The following MRPL30 variants were observed in gnomAD, a reference collection of about 807,000 sequenced individuals.
MRPL30 encodes the protein large ribosomal subunit protein uL30m.
Under a neutral mutation model 17.2 loss-of-function variants are expected in MRPL30, and 10 were observed. That is an observed-to-expected ratio of 0.58 (90% confidence interval 0.36 to 0.99). MRPL30 has a LOEUF of 0.99. Among genes scored for constraint, MRPL30 ranks in the 50% least tolerant of loss-of-function variants. The probability of loss-of-function intolerance (pLI) is 0.01; values close to 1 mark genes in which losing one functional copy is unlikely to be tolerated. For missense variants in MRPL30, 170 were observed against 189.8 expected (o/e 0.90, Z 0.61); for synonymous variants, 61 against 62.1 (o/e 0.98, Z 0.08).
Position 99,198,335 on chromosome 2 carries a change from G to A in MRPL30, c.*2630G>A, listed in dbSNP as rs1185254384. Among the ~76,000 whole-genome samples, 3 of 152,150 alleles carry A rather than the reference G, an allele frequency of 2.0e-5. No individual in the cohort carries two copies. Among genetic ancestry groups the A allele is most frequent in the Non-Finnish European group, 4.4e-5 (3 of 68,018 alleles). On this transcript the variant is annotated 3_prime_UTR_variant, in exon 6 of 6. Coordinates refer to ENST00000338148, the MANE Select transcript of MRPL30 (RefSeq NM_145212.4). ...TGCTCATTGTAGCTTTGACAGGGAA[G>A]GGATCTGCTCCCAAGCACTCTCAGG...
At chr2:99,186,574 C>T (rs2093934474) in intron 2 of MRPL30, among the ~76,000 whole-genome samples, 2 of 152,156 alleles carry the variant, frequency 1.3e-5, no homozygotes, top group Non-Finnish European at 2.9e-5. Flanking sequence ...CCTTGTGATC[C>T]ACCTGCCCCG....
chr2:99,186,239 C>G lies in MRPL30; in HGVS notation c.36C>G (p.Pro12=). 3 of 1,614,060 alleles carry G rather than the reference C, an allele frequency of 1.9e-6. No individual in the cohort carries two copies. Among genetic ancestry groups the G allele is most frequent in the Non-Finnish European group, 2.5e-6 (3 of 1,179,938 alleles). ...TTTTGCGCTTAGTAGTTCAATGGCC[C>G]CCAGGCAGACTACAGGTAAGTGTTT... The part of the protein sequence containing the change: ...AGILRLVVQW[P]PGRLQTVTKG... Residue 12 remains proline (P), a synonymous_variant, in exon 2 of 6, where the codon CCC becomes CCG. Coordinates refer to ENST00000338148, the MANE Select transcript of MRPL30 (RefSeq NM_145212.4).
intron 2 of MRPL30, 36 bp from the exon 3 acceptor site, chr2:99,188,141 A>G: frequency 6.7e-7 from 1 of 1,482,658 alleles, no homozygotes. Context: ...CTACTGACAG[A>G]ATTCTAAAAA....
At chr2:99,182,144 A>G (rs1186588185) in intron 1 of MRPL30, among the ~76,000 whole-genome samples, 2 of 152,184 alleles carry the variant, frequency 1.3e-5, no homozygotes, top group African/African-American at 4.8e-5. Context: ...AAAAATAGAA[A>G]TGGGATCATA....
intron 3 of MRPL30, among the ~76,000 whole-genome samples, chr2:99,194,281 C>T (rs570405351): frequency 6.6e-6 from 1 of 152,230 alleles, no homozygotes; most frequent in South Asian, 2.1e-4. Context: ...ATAATTAATT[C>T]AAGTATTAGC....
Position 99,197,488 on chromosome 2 carries a change from G to A in MRPL30, c.*1783G>A, listed in dbSNP as rs1233450088. The A allele has an allele frequency of 6.6e-6, 1 of 152,260 alleles. No homozygotes were observed. The highest frequency in any genetic ancestry group is 2.4e-5 in the African/African-American group (1 of 41,466). 9.4% of individuals were successfully genotyped at this position (152,260 alleles called of 1,614,324 possible). ...ATATCCAGTGTGTGTAAGGCCTGGA[G>A]GGGAGCCAAAGGACACTAACTTCTA... On this transcript the variant is annotated 3_prime_UTR_variant, in exon 6 of 6. Coordinates refer to ENST00000338148, the MANE Select transcript of MRPL30 (RefSeq NM_145212.4).
rs952312392 is a variant in MRPL30 at position 99,198,136 on chromosome 2, G to A, written c.*2431G>A. On this transcript the variant is annotated 3_prime_UTR_variant, in exon 6 of 6. Transcript: ENST00000338148. Reference sequence around the variant, plus strand: ...AGAAAAGTCTTTAGTGAAAATATGGGCATAGGCCAGCAGCATTAGCTTTCT... The same window carrying A: ...AGAAAAGTCTTTAGTGAAAATATGGACATAGGCCAGCAGCATTAGCTTTCT... Among the ~76,000 whole-genome samples the A allele has an allele frequency of 6.6e-6, 1 of 152,206 alleles. No homozygotes were observed. Among genetic ancestry groups the A allele is most frequent in the African/African-American group, 2.4e-5 (1 of 41,444 alleles).
chr2:99,183,866 C>T (rs1267672136), intron 1 of MRPL30, among the ~76,000 whole-genome samples: 1 of 152,190 alleles, frequency 6.6e-6, no homozygotes, highest in Non-Finnish European at 1.5e-5. Flanking sequence ...TACCACATTA[C>T]ATTTAATGGT....
chr2:99,195,398 G>A lies in MRPL30; in HGVS notation c.354-175G>A, dbSNP rs1024626797. The A allele has an allele frequency of 1.2e-5, 10 of 822,824 alleles. No homozygotes were observed. The African/African-American group carries it at 1.6e-4, about 13-fold the overall frequency. 51.0% of individuals were successfully genotyped at this position (822,824 alleles called of 1,614,324 possible). A position where few individuals can be genotyped will look rare whatever the true frequency, so the allele number is the denominator to read the frequency against. On this transcript the variant is annotated intron_variant, in intron 5 of 5. Coordinates refer to ENST00000338148, the MANE Select transcript of MRPL30 (RefSeq NM_145212.4). ...ATATAAAGTATAGTGATCCGATCAGGGTAATTGGCATATCCATCATCTCAG... is the reference window on the plus strand; with the variant it reads ...ATATAAAGTATAGTGATCCGATCAGAGTAATTGGCATATCCATCATCTCAG...
intron 3 of MRPL30, among the ~76,000 whole-genome samples, chr2:99,194,168 A>G (rs1420492360): frequency 6.6e-6 from 1 of 152,166 alleles, no homozygotes; most frequent in Non-Finnish European, 1.5e-5. Context: ...TAAACTTTTC[A>G]GTGTTACACA....
In MRPL30 at chr2:99,198,183, A is replaced by G. The variant is rs2093958130; in HGVS notation, c.*2478A>G. On this transcript the variant is annotated 3_prime_UTR_variant, in exon 6 of 6. Coordinates refer to ENST00000338148, the MANE Select transcript of MRPL30 (RefSeq NM_145212.4). ...TTCTATTGCTGCAGAACAAATTACCACAAACTTAGCTGCTTAAAACAACAC... is the reference window on the plus strand; with the variant it reads ...TTCTATTGCTGCAGAACAAATTACCGCAAACTTAGCTGCTTAAAACAACAC... 6.6e-6 allele frequency among the ~76,000 whole-genome samples: 1 copy of G among 152,216 alleles called. No homozygotes were observed. Among genetic ancestry groups the G allele is most frequent in the Admixed American group, 6.5e-5 (1 of 15,274 alleles).
In MRPL30 at chr2:99,195,841, G is replaced by A. The variant is rs1209984765; in HGVS notation, c.*136G>A. 3.8e-6 allele frequency: 5 copies of A among 1,328,106 alleles called. No individual in the cohort carries two copies. In the East Asian group the frequency reaches 1.4e-4, roughly 38 times the overall value. 82.3% of individuals were successfully genotyped at this position (1,328,106 alleles called of 1,614,324 possible). A position where few individuals can be genotyped will look rare whatever the true frequency, so the allele number is the denominator to read the frequency against. On this transcript the variant is annotated 3_prime_UTR_variant, in exon 6 of 6. Coordinates refer to ENST00000338148, the MANE Select transcript of MRPL30 (RefSeq NM_145212.4). Reference sequence around the variant, plus strand: ...GCTCACCTGTAATCCCAGCACTTTGGGAGGCCAAGGCGGGCAGATCACCTG... The same window carrying A: ...GCTCACCTGTAATCCCAGCACTTTGAGAGGCCAAGGCGGGCAGATCACCTG...
intron 3 of MRPL30, among the ~76,000 whole-genome samples, chr2:99,193,802 G>A (rs2093950814): frequency 6.6e-6 from 1 of 152,050 alleles, no homozygotes; most frequent in Admixed American, 6.6e-5. Context: ...ACTTTGGGAG[G>A]CCAAGGCGGG....
intron 3 of MRPL30, among the ~76,000 whole-genome samples, chr2:99,191,853 T>G (rs1404838316): frequency 6.6e-6 from 1 of 152,196 alleles, no homozygotes; most frequent in Non-Finnish European, 1.5e-5. Context: ...TTACTTTTCG[T>G]GCTTTTTTCT....
At position 99,196,283 on chromosome 2, in the gene MRPL30, T is replaced by C. The variant is rs1354739222; in HGVS notation, c.*578T>C. The C allele has an allele frequency of 1.3e-5, 2 of 153,004 alleles. No individual in the cohort carries two copies. The highest frequency in any genetic ancestry group is 2.9e-5 in the Non-Finnish European group (2 of 68,728). The allele number at this position is 153,004 out of a possible 1,614,324, so 9.5% of individuals were successfully genotyped here. ...CCTTAGCAAGCCTCATTAACCATTT[T>C]ATAAAAATTGCGTTAGTATTGTTGT... On this transcript the variant is annotated 3_prime_UTR_variant, in exon 6 of 6. Transcript: ENST00000338148.
chr2:99,186,430 T>A (rs895695319), intron 2 of MRPL30, among the ~76,000 whole-genome samples, 176 bp downstream of exon 2: 2 of 152,158 alleles, frequency 1.3e-5, no homozygotes, highest in African/African-American at 4.8e-5. Flanking sequence ...CCTCCCTGAT[T>A]CAAGCAATTC....
At position 99,195,147 on chromosome 2, in the gene MRPL30, C is replaced by T. The variant is rs752544913; in HGVS notation, c.311C>T (p.Pro104Leu). 6.2e-7 allele frequency: 1 copy of T among 1,605,428 alleles called. No homozygotes were observed. Among genetic ancestry groups the T allele is most frequent in the East Asian group, 2.2e-5 (1 of 44,542 alleles). ...AHTPQVHKNI[P>L]SVNAKLKVVK... ...ACCCCTCAAGTTCACAAGAATATCCCTTCAGTGAATGCAAAATTGAAAGTA... is the reference window on the plus strand; with the variant it reads ...ACCCCTCAAGTTCACAAGAATATCCTTTCAGTGAATGCAAAATTGAAAGTA... Residue 104 changes from proline to leucine, a missense_variant, in exon 5 of 6, where the codon CCT becomes CTT. Pro to Leu is a moderately conservative substitution (Grantham distance 98, BLOSUM62 -3). Transcript: ENST00000338148.
chr2:99,187,642 G>A lies in MRPL30; in HGVS notation c.52-535G>A, dbSNP rs1356681444. 6.6e-5 allele frequency among the ~76,000 whole-genome samples: 10 copies of A among 152,202 alleles called. 1 individual carries two copies. Among genetic ancestry groups the A allele is most frequent in the Middle Eastern group, 3.4e-3 (1 of 292 alleles). ...AGATCGAGACCATCCTGGCTAACACGGTGAAACCCTATCTCTACTAAAAAT... is the reference window on the plus strand; with the variant it reads ...AGATCGAGACCATCCTGGCTAACACAGTGAAACCCTATCTCTACTAAAAAT... On this transcript the variant is annotated intron_variant, in intron 2 of 5. Coordinates refer to ENST00000338148, the MANE Select transcript of MRPL30 (RefSeq NM_145212.4).
At chr2:99,191,085 C>A (rs1459837936) in intron 3 of MRPL30, among the ~76,000 whole-genome samples, 2 of 151,402 alleles carry the variant, frequency 1.3e-5, no homozygotes, top group East Asian at 3.9e-4. Context: ...CGGCTCACTG[C>A]AACCTCCATC....
Sources: allele counts gnomAD v4.1 joint callset (sites outside exome capture counted in the v4.1 genomes callset), GRCh38; gene constraint gnomAD v4.1.1; transcripts MANE v1.5; gene names NCBI Gene and HGNC (gene_info 2026-07-23, HGNC 2026-07-21).